Variants in RICTOR observed in about 807,000 individuals in gnomAD.
RICTOR encodes the protein RPTOR independent companion of MTOR complex 2.
In RICTOR, 49 loss-of-function variants were observed where a neutral mutation model predicts 214.9. The observed-to-expected ratio is 0.23, with a 90% CI of 0.18 to 0.29. The LOEUF (loss-of-function observed/expected upper bound fraction) is 0.29, where lower values mean the gene tolerates loss of function less well. RICTOR is among the 10% of genes least tolerant of loss of function. The probability of loss-of-function intolerance (pLI) is 1.00; values close to 1 mark genes in which losing one functional copy is unlikely to be tolerated. For missense variants in RICTOR, 1,625 were observed against 2,047.0 expected (o/e 0.79, Z 3.98); for synonymous variants, 717 against 711.3 (o/e 1.01, Z -0.13).
chr5:38,984,073 AC>A (rs1398064072), intron 7 of RICTOR, among the ~76,000 whole-genome samples: 2 of 152,178 alleles, frequency 1.3e-5, no homozygotes, highest in East Asian at 3.9e-4. Context: ...AAACAAAAGT[AC>A]CTGGATGAGT....
chr5:39,044,713 A>G (rs182572630), intron 2 of RICTOR, among the ~76,000 whole-genome samples: 3 of 152,338 alleles, frequency 2.0e-5, no homozygotes, highest in Non-Finnish European at 4.4e-5. Flanking sequence ...AAATTTGTCA[A>G]ATACAAAACT....
rs760309924 is a variant in RICTOR at position 38,942,056 on chromosome 5, T to C, written c.*248A>G. On this transcript the variant is annotated 3_prime_UTR_variant, in exon 38 of 38. Coordinates refer to ENST00000357387, the MANE Select transcript of RICTOR (RefSeq NM_152756.5). Reference sequence around the variant, plus strand: ...AGTGCTTGGCTCTTGCATACAATGGTAACTGAAACTCTTAAAACTGTGGTA... The same window carrying C: ...AGTGCTTGGCTCTTGCATACAATGGCAACTGAAACTCTTAAAACTGTGGTA... 2.5e-5 allele frequency: 9 copies of C among 356,336 alleles called. No individual in the cohort carries two copies. The highest frequency in any genetic ancestry group is 4.0e-5 in the Non-Finnish European group (8 of 197,842). The allele number at this position is 356,336 out of a possible 1,614,324, so 22.1% of individuals were successfully genotyped here.
chr5:38,975,234 T>C (rs917453096), intron 10 of RICTOR, among the ~76,000 whole-genome samples: 2 of 152,170 alleles, frequency 1.3e-5, no homozygotes, highest in East Asian at 1.9e-4. Context: ...TCAAGTTTTG[T>C]AGGTTTTTTT....
intron 29 of RICTOR, 130 bp from the exon 30 acceptor site, chr5:38,952,555 A>G (rs1453069899): frequency 4.3e-5 from 16 of 372,432 alleles, no homozygotes; most frequent in African/African-American, 1.0e-4. Flanking sequence ...CGTTTGTGGA[A>G]AAAAAAAAAC....
At position 38,971,547 on chromosome 5, in the gene RICTOR, A is replaced by ATTTTT. The variant is rs10676528; in HGVS notation, c.972+325_972+329dup. 34 of 142,894 alleles carry ATTTTT rather than the reference A, an allele frequency of 2.4e-4. 1 individual carries two copies. Among genetic ancestry groups the ATTTTT allele is most frequent in the East Asian group, 8.1e-4 (4 of 4,916 alleles). 8.9% of individuals were successfully genotyped at this position (142,894 alleles called of 1,614,324 possible). A position where few individuals can be genotyped will look rare whatever the true frequency, so the allele number is the denominator to read the frequency against. On this transcript the variant is annotated intron_variant, in intron 11 of 37. Coordinates refer to ENST00000357387, the MANE Select transcript of RICTOR (RefSeq NM_152756.5). ...GCCACCATGCCCAGCTAATTTTTGT[A>ATTTTT]TTTTTTTTTTTTTTAAGTAGAGATG...
chr5:39,021,289 T>C (rs1167202321), intron 2 of RICTOR, among the ~76,000 whole-genome samples, 153 bp from the exon 3 acceptor site: 1 of 152,186 alleles, frequency 6.6e-6, no homozygotes, highest in East Asian at 1.9e-4. Context: ...GACTTCAAAG[T>C]CTGTGACGAA....
rs1274621713 is a variant in RICTOR, at chr5:38,941,110, T to C, written c.*1194A>G. The C allele has an allele frequency of 4.3e-6, 1 of 232,810 alleles. No individual in the cohort carries two copies. Among genetic ancestry groups the C allele is most frequent in the African/African-American group, 2.2e-5 (1 of 45,320 alleles). The allele number at this position is 232,810 out of a possible 1,614,324, so 14.4% of individuals were successfully genotyped here. ...TCCTGTAAAAAGTTCCAAATACCTT[T>C]AGACATATACAAATTAAACAAACAA... On this transcript the variant is annotated 3_prime_UTR_variant, in exon 38 of 38. Coordinates refer to ENST00000357387, the MANE Select transcript of RICTOR (RefSeq NM_152756.5).
At chr5:39,009,147 A>T (rs1183944869) in intron 3 of RICTOR, among the ~76,000 whole-genome samples, 1 of 152,116 alleles carries the variant, frequency 6.6e-6, no homozygotes, top group Admixed American at 6.6e-5. Flanking sequence ...GTCCTTTAAA[A>T]GGTTGGTTTT....
intron 7 of RICTOR, 106 bp downstream of exon 7, chr5:38,990,843 A>ATAT (rs1752713220): frequency 1.2e-5 from 3 of 244,980 alleles, no homozygotes; most frequent in South Asian, 1.3e-4. Flanking sequence ...GAGATATATG[A>ATAT]GATATATGAT....
At chr5:38,972,375 A>G (rs981246847) in intron 10 of RICTOR, among the ~76,000 whole-genome samples, 1 of 152,224 alleles carries the variant, frequency 6.6e-6, no homozygotes, top group Non-Finnish European at 1.5e-5. Context: ...AATGCACATG[A>G]GTATAAGTAA....
intron 16 of RICTOR, 64 bp downstream of exon 16, chr5:38,964,728 G>C: frequency 1.2e-6 from 1 of 809,958 alleles, no homozygotes; most frequent in Non-Finnish European, 1.9e-6. Context: ...AAAAAGAAGA[G>C]ACAATAATCT....
At chr5:39,028,849 G>A (rs1054191950) in intron 2 of RICTOR, among the ~76,000 whole-genome samples, 9 of 152,116 alleles carry the variant, frequency 5.9e-5, no homozygotes, top group African/African-American at 1.4e-4. Flanking sequence ...AGTGAGCTAC[G>A]AATGTGCCAC....
At chr5:38,988,144 A>T (rs1387464784) in intron 7 of RICTOR, among the ~76,000 whole-genome samples, 2 of 152,106 alleles carry the variant, frequency 1.3e-5, no homozygotes, top group Non-Finnish European at 2.9e-5. Flanking sequence ...TTTTAAAGTA[A>T]GTGTGATGTA....
chr5:38,962,259 G>T, intron 19 of RICTOR, 56 bp downstream of exon 19: 1 of 791,234 alleles, frequency 1.3e-6, no homozygotes, highest in South Asian at 1.7e-5. Context: ...CAGGTATTAG[G>T]CCTAATATCC....
At chr5:39,051,034 C>CAT (rs201754011) in intron 2 of RICTOR, among the ~76,000 whole-genome samples, 1,350 of 115,852 alleles carry the variant, frequency 0.012, 33 homozygotes, top group African/African-American at 0.037. Flanking sequence ...TCTCCCCATA[C>CAT]ATATATATAC....
intron 33 of RICTOR, 38 bp from the exon 34 acceptor site, chr5:38,945,762 A>G: frequency 1.8e-6 from 2 of 1,101,462 alleles, no homozygotes; most frequent in Non-Finnish European, 2.7e-6. Context: ...TCCAATAAAG[A>G]TAATACTTTT....
At chr5:39,051,167 T>A (rs1347845727) in intron 2 of RICTOR, among the ~76,000 whole-genome samples, 2 of 152,100 alleles carry the variant, frequency 1.3e-5, no homozygotes, top group Non-Finnish European at 2.9e-5. Context: ...TATACAAGAC[T>A]ATACATAAAA....
Position 39,026,840 on chromosome 5 carries a change from T to A in RICTOR, c.98-5704A>T, listed in dbSNP as rs146921304. On this transcript the variant is annotated intron_variant, in intron 2 of 37. Coordinates refer to ENST00000357387, the MANE Select transcript of RICTOR (RefSeq NM_152756.5). ...CTGACCAATATGGAGAAACCCCGTC[T>A]CTCCTAACAATACAAAATAAGCTGG... Among the ~76,000 whole-genome samples the A allele has an allele frequency of 4.6e-3, 700 of 151,880 alleles. 4 individuals are homozygous for A. Among genetic ancestry groups the A allele is most frequent in the Non-Finnish European group, 5.8e-3 (395 of 67,962 alleles).
chr5:39,056,128 T>A (rs575339383), intron 2 of RICTOR, among the ~76,000 whole-genome samples: 2 of 152,282 alleles, frequency 1.3e-5, no homozygotes, highest in Non-Finnish European at 2.9e-5. Flanking sequence ...AGCAGCAAAA[T>A]TGGTCAGGAG....
Sources: allele counts gnomAD v4.1 joint callset (sites outside exome capture counted in the v4.1 genomes callset), GRCh38; gene constraint gnomAD v4.1.1; transcripts MANE v1.5; gene names NCBI Gene and HGNC (gene_info 2026-07-23, HGNC 2026-07-21).